TBC1D5: variants seen among roughly 807,000 people sequenced by gnomAD.
The protein encoded by TBC1D5 is TBC1 domain family, member 5.
Under a neutral mutation model 100.3 loss-of-function variants are expected in TBC1D5, and 75 were observed. The observed-to-expected ratio is 0.75, with a 90% CI of 0.62 to 0.91. TBC1D5 has a LOEUF of 0.91. Among genes scored for constraint, TBC1D5 ranks in the 40% least tolerant of loss-of-function variants. The pLI is 0.00. For missense variants in TBC1D5, 910 were observed against 942.4 expected (o/e 0.97, Z 0.45); for synonymous variants, 323 against 325.6 (o/e 0.99, Z 0.09).
chr3:17,323,244 T>C (rs778452845), intron 13 of TBC1D5, among the ~76,000 whole-genome samples: 6 of 152,218 alleles, frequency 3.9e-5, no homozygotes, highest in Non-Finnish European at 7.3e-5. Context: ...TTTGAAGATA[T>C]GAGATGCAGA....
chr3:17,160,977 G>T, exon 22 of TBC1D5: 1 of 1,613,742 alleles, frequency 6.2e-7, no homozygotes, highest in Non-Finnish European at 8.5e-7. Context: ...ATGTCCAGGG[G>T]ACTCACAATG....
intron 1 of TBC1D5, among the ~76,000 whole-genome samples, chr3:17,658,810 G>A (rs887247927): frequency 1.3e-5 from 2 of 152,128 alleles, no homozygotes; most frequent in African/African-American, 2.4e-5. Context: ...TTGCAGGCAT[G>A]CACCACTACA....
chr3:17,478,730 A>G (rs9823064), intron 3 of TBC1D5, among the ~76,000 whole-genome samples: 76,703 of 152,008 alleles, frequency 0.5, 21,203 homozygotes, highest in African/African-American at 0.71. Flanking sequence ...CCAAGTCTAG[A>G]TCTCATGAAA....
intron 1 of TBC1D5, among the ~76,000 whole-genome samples, chr3:17,713,224 TTGTG>T (rs746528037): frequency 6.6e-6 from 1 of 151,994 alleles, no homozygotes; most frequent in African/African-American, 2.4e-5. Context: ...TTTTAAATTA[TTGTG>T]TTTTTCTTTT....
chr3:17,347,928 A>T (rs550562011), intron 13 of TBC1D5, among the ~76,000 whole-genome samples: 3 of 152,290 alleles, frequency 2.0e-5, no homozygotes, highest in Admixed American at 2.0e-4. Flanking sequence ...CCTTGAGTCC[A>T]GGAGCTGGAG....
At position 17,392,827 on chromosome 3, in the gene TBC1D5, G is replaced by A. The variant is rs183971185; in HGVS notation, c.510-8812C>T. The stretch of plus-strand genomic sequence containing the variant: ...GTGAACAGTGCTGCAATAAACATAC[G>A]TATGCATGTGTCTTTATAGTAGAAT... On this transcript the variant is annotated intron_variant, in intron 8 of 21. Transcript: ENST00000253692. 1.1e-3 allele frequency among the ~76,000 whole-genome samples: 174 copies of A among 152,172 alleles called. 1 individual carries two copies. The highest frequency in any genetic ancestry group is 3.8e-3 in the African/African-American group (158 of 41,536).
chr3:17,552,158 GA>G (rs1438939175), intron 2 of TBC1D5, among the ~76,000 whole-genome samples: 3 of 150,660 alleles, frequency 2.0e-5, no homozygotes, highest in African/African-American at 7.3e-5. Context: ...AGTCCTTCCA[GA>G]TGATTAACAC....
At chr3:17,697,929 C>G (rs2072412301) in intron 1 of TBC1D5, among the ~76,000 whole-genome samples, 3 of 149,812 alleles carry the variant, frequency 2.0e-5, no homozygotes, top group Admixed American at 2.0e-4. Flanking sequence ...TGGAAAAGAA[C>G]AGAGGCCTCA....
intron 1 of TBC1D5, among the ~76,000 whole-genome samples, chr3:17,736,054 A>G (rs11929111): frequency 0.57 from 86,916 of 152,030 alleles, 25,666 homozygotes; most frequent in East Asian, 0.99. Flanking sequence ...CTGCTTTAGA[A>G]TAATTTGTAT....
chr3:17,292,206 G>A (rs899127368), intron 14 of TBC1D5, among the ~76,000 whole-genome samples: 1 of 152,138 alleles, frequency 6.6e-6, no homozygotes, highest in African/African-American at 2.4e-5. Flanking sequence ...TAATGTATTA[G>A]CACTTAACCT....
chr3:17,212,561 C>T (rs539024978), intron 18 of TBC1D5, among the ~76,000 whole-genome samples: 1 of 151,626 alleles, frequency 6.6e-6, no homozygotes, highest in East Asian at 1.9e-4. Flanking sequence ...GGAAGTATTC[C>T]AGAAGAAGGC....
chr3:17,731,797 T>C (rs1393094826), intron 1 of TBC1D5, among the ~76,000 whole-genome samples: 1 of 152,144 alleles, frequency 6.6e-6, no homozygotes, highest in African/African-American at 2.4e-5. Flanking sequence ...GCCACGTTTC[T>C]GGCTTGAATA....
chr3:17,599,339 C>T (rs1053821954), intron 2 of TBC1D5, among the ~76,000 whole-genome samples: 13 of 152,174 alleles, frequency 8.5e-5, no homozygotes, highest in South Asian at 2.1e-4. Context: ...AGCAGAGAGG[C>T]GCAGCAGAGG....
exon 22 of TBC1D5, chr3:17,160,661 G>A (rs981908632): frequency 2.8e-5 from 9 of 316,190 alleles, no homozygotes; most frequent in Non-Finnish European, 4.1e-5. Flanking sequence ...ATTGTGATTC[G>A]GTCTTTTCTA....
chr3:17,667,830 T>A (rs961231126), intron 1 of TBC1D5, among the ~76,000 whole-genome samples: 9 of 152,112 alleles, frequency 5.9e-5, no homozygotes, highest in Non-Finnish European at 7.4e-5. Context: ...AGACAAAACC[T>A]TTTTGTGGAA....
chr3:17,366,443 A>C (rs898939574), intron 13 of TBC1D5, among the ~76,000 whole-genome samples: 1 of 152,188 alleles, frequency 6.6e-6, no homozygotes, highest in Admixed American at 6.5e-5. Flanking sequence ...CATAATTCTT[A>C]ATCAGTGATC....
At chr3:17,246,262 T>A (rs1394333259) in intron 16 of TBC1D5, among the ~76,000 whole-genome samples, 1 of 152,126 alleles carries the variant, frequency 6.6e-6, no homozygotes, top group Non-Finnish European at 1.5e-5. Flanking sequence ...TATAAAACAC[T>A]GCTGAGAAGT....
intron 2 of TBC1D5, among the ~76,000 whole-genome samples, chr3:17,520,868 T>C (rs1306842246): frequency 2.6e-5 from 4 of 152,138 alleles, no homozygotes; most frequent in Non-Finnish European, 5.9e-5. Context: ...GGAGACACTG[T>C]AGGAGCTCCA....
At chr3:17,382,625 A>G (rs969591621) in intron 9 of TBC1D5, among the ~76,000 whole-genome samples, 3 of 151,500 alleles carry the variant, frequency 2.0e-5, no homozygotes, top group Non-Finnish European at 4.4e-5. Flanking sequence ...CAGTGAATCA[A>G]TCACAGCTCA....
Sources: allele counts gnomAD v4.1 joint callset (sites outside exome capture counted in the v4.1 genomes callset), GRCh38; gene constraint gnomAD v4.1.1; transcripts MANE v1.5; gene names NCBI Gene and HGNC (gene_info 2026-07-23, HGNC 2026-07-21).